The following PTPRM variants were observed in gnomAD, a reference collection of about 807,000 sequenced individuals.
The protein encoded by PTPRM is receptor-type tyrosine-protein phosphatase mu.
A neutral mutation model predicts 186.7 loss-of-function variants in PTPRM; 47 were observed. The observed-to-expected ratio is 0.25, with a 90% CI of 0.20 to 0.32. The LOEUF (loss-of-function observed/expected upper bound fraction) is 0.32. Among genes scored for constraint, PTPRM ranks in the 10% least tolerant of loss-of-function variants. PTPRM has a pLI of 1.00. For missense variants in PTPRM, 1,494 were observed against 1,865.0 expected, an observed-to-expected ratio of 0.80 and a Z score of 3.66; for synonymous variants, 668 against 674.9, an observed-to-expected ratio of 0.99 and a Z score of 0.16.
At chr18:8,163,738 A>G (rs1478833127) in intron 14 of PTPRM, among the ~76,000 whole-genome samples, 1 of 152,226 alleles carries the variant, frequency 6.6e-6, no homozygotes, top group Non-Finnish European at 1.5e-5. Context: ...TCAGTGGTCA[A>G]AATTACAGAT....
At chr18:8,185,309 G>A (rs770564155) in intron 14 of PTPRM, among the ~76,000 whole-genome samples, 14 of 152,218 alleles carry the variant, frequency 9.2e-5, no homozygotes, top group Admixed American at 1.3e-4. Flanking sequence ...TGCACCCTGT[G>A]CTGTGCAGGC....
At chr18:8,142,636 C>T (rs910540249) in intron 13 of PTPRM, among the ~76,000 whole-genome samples, 5 of 152,058 alleles carry the variant, frequency 3.3e-5, no homozygotes, top group African/African-American at 7.2e-5. Context: ...ACAAACACTC[C>T]GATTTAATTA....
intron 7 of PTPRM, among the ~76,000 whole-genome samples, chr18:8,016,869 G>A (rs1044800756): frequency 1.1e-4 from 17 of 152,184 alleles, no homozygotes; most frequent in Non-Finnish European, 1.0e-4. Context: ...GTGAAGGCTT[G>A]AGGGGATGCC....
chr18:8,293,073 A>G (rs1212702406), intron 19 of PTPRM, among the ~76,000 whole-genome samples: 2 of 152,168 alleles, frequency 1.3e-5, no homozygotes, highest in East Asian at 1.9e-4. Context: ...AGTGAGGATC[A>G]GGTGAGAGGA....
intron 7 of PTPRM, among the ~76,000 whole-genome samples, chr18:8,018,319 C>G (rs1329162121): frequency 6.6e-6 from 1 of 152,096 alleles, no homozygotes; most frequent in Non-Finnish European, 1.5e-5. Context: ...TTGGGGGGAA[C>G]CTTAGGAACC....
intron 2 of PTPRM, among the ~76,000 whole-genome samples, chr18:7,800,214 A>G (rs865881423): frequency 1.3e-5 from 2 of 152,348 alleles, no homozygotes; most frequent in Non-Finnish European, 2.9e-5. Context: ...CAAAGCATAC[A>G]CTAAATCTAT....
intron 7 of PTPRM, among the ~76,000 whole-genome samples, chr18:8,063,119 G>T (rs1270284009): frequency 1.3e-5 from 2 of 150,604 alleles, no homozygotes; most frequent in African/African-American, 5.0e-5. Context: ...GACTCCGTGG[G>T]CGTAGGACCC....
intron 14 of PTPRM, among the ~76,000 whole-genome samples, chr18:8,233,515 C>A (rs72911249): frequency 0.014 from 2,156 of 152,196 alleles, 40 homozygotes; most frequent in East Asian, 0.09. Context: ...TGTTTGTGTT[C>A]TTATTGTTCA....
At chr18:8,385,689 G>A (rs1224872257) in intron 30 of PTPRM, among the ~76,000 whole-genome samples, 2 of 152,244 alleles carry the variant, frequency 1.3e-5, no homozygotes, top group African/African-American at 4.8e-5. Context: ...GGAAGGGCCT[G>A]GCAGTCACTG....
intron 21 of PTPRM, among the ~76,000 whole-genome samples, chr18:8,317,602 A>G (rs1292502262): frequency 2.0e-5 from 3 of 152,124 alleles, no homozygotes; most frequent in Non-Finnish European, 4.4e-5. Flanking sequence ...TTCCACATCA[A>G]GTTGAAAAGG....
At chr18:8,250,818 G>C (rs1248484567) in intron 17 of PTPRM, among the ~76,000 whole-genome samples, 1 of 151,066 alleles carries the variant, frequency 6.6e-6, no homozygotes, top group East Asian at 1.9e-4. Context: ...AAAAAAAATT[G>C]TTGATGGGTA....
At chr18:8,047,162 A>G (rs757478830) in intron 7 of PTPRM, among the ~76,000 whole-genome samples, 1 of 152,228 alleles carries the variant, frequency 6.6e-6, no homozygotes, top group African/African-American at 2.4e-5. Flanking sequence ...TCAACACGGT[A>G]AGAATCATGA....
intron 14 of PTPRM, among the ~76,000 whole-genome samples, chr18:8,169,980 C>A (rs184066519): frequency 4.5e-4 from 68 of 152,252 alleles, no homozygotes; most frequent in Non-Finnish European, 8.5e-4. Flanking sequence ...TAGAAAGAGT[C>A]TTGGAGTTCA....
At chr18:8,286,838 A>G (rs902123389) in intron 19 of PTPRM, among the ~76,000 whole-genome samples, 2 of 152,302 alleles carry the variant, frequency 1.3e-5, no homozygotes, top group Admixed American at 6.5e-5. Flanking sequence ...CCATGACTTA[A>G]GTATTGCAGG....
At chr18:7,771,092 C>T (rs141794106) in intron 1 of PTPRM, among the ~76,000 whole-genome samples, 3 of 152,168 alleles carry the variant, frequency 2.0e-5, no homozygotes, top group South Asian at 2.1e-4. Context: ...CTCAGCCACA[C>T]GTGCATGCTT....
chr18:7,782,816 C>G (rs1435244898), intron 2 of PTPRM, among the ~76,000 whole-genome samples: 2 of 152,186 alleles, frequency 1.3e-5, no homozygotes, highest in Non-Finnish European at 2.9e-5. Flanking sequence ...TAATATCACA[C>G]TGTTTCAAGG....
chr18:7,656,654 G>A (rs1293472827), intron 1 of PTPRM, among the ~76,000 whole-genome samples: 3 of 152,108 alleles, frequency 2.0e-5, no homozygotes, highest in African/African-American at 7.2e-5. Flanking sequence ...GAACAGAAGG[G>A]GTTTTTAGGG....
intron 14 of PTPRM, among the ~76,000 whole-genome samples, chr18:8,242,630 AAT>A (rs2147282993): frequency 6.6e-6 from 1 of 152,330 alleles, no homozygotes; most frequent in Admixed American, 6.5e-5. Context: ...TCTGTTTAAA[AAT>A]ATGTCTCTTT....
intron 26 of PTPRM, chr18:8,377,946 C>G (rs984011844): frequency 1.4e-5 from 3 of 213,898 alleles, no homozygotes; most frequent in African/African-American, 4.6e-5. Flanking sequence ...GCAAATCCTA[C>G]CATAGACAAA....
Sources: gnomAD v4.1 joint callset for allele counts (sites outside exome capture counted in the v4.1 genomes callset) on GRCh38, gnomAD v4.1.1 for gene constraint, MANE v1.5 for transcripts, NCBI Gene and HGNC (gene_info 2026-07-23, HGNC 2026-07-21) for gene names.